The following LTBP1 variants were observed in gnomAD, a reference collection of about 807,000 sequenced individuals.
The protein encoded by LTBP1 is latent transforming growth factor beta binding protein 1.
In LTBP1, 129 loss-of-function variants were observed where a neutral mutation model predicts 207.6. That is an observed-to-expected ratio of 0.62 (90% CI 0.54 to 0.72). The LOEUF is 0.72. Ranked by LOEUF, LTBP1 falls within the 30% of genes least tolerant of loss-of-function variation. LTBP1 has a pLI of 0.00. For missense variants in LTBP1, 2,281 were observed against 2,217.2 expected, an observed-to-expected ratio of 1.03 and a Z score of -0.58; for synonymous variants, 963 against 833.7, an observed-to-expected ratio of 1.16 and a Z score of -2.67.
chr2:33,206,921 T>C (rs913498019), intron 7 of LTBP1, among the ~76,000 whole-genome samples: 2 of 152,078 alleles, frequency 1.3e-5, no homozygotes, highest in Non-Finnish European at 1.5e-5. Context: ...TTCGATCTAC[T>C]CACCATCTAG....
intron 3 of LTBP1, among the ~76,000 whole-genome samples, chr2:33,077,562 T>G (rs2078149291): frequency 6.6e-6 from 1 of 152,082 alleles, no homozygotes; most frequent in African/African-American, 2.4e-5. Flanking sequence ...CAACCAGATC[T>G]TGTGAAAACT....
chr2:33,050,573 T>G (rs2076684487), intron 3 of LTBP1, among the ~76,000 whole-genome samples: 2 of 152,084 alleles, frequency 1.3e-5, no homozygotes, highest in Admixed American at 1.3e-4. Context: ...GAGAGGATCC[T>G]TAAGTTTAAA....
intron 3 of LTBP1, among the ~76,000 whole-genome samples, chr2:33,033,825 A>T (rs1056415967): frequency 6.6e-6 from 1 of 152,190 alleles, no homozygotes; most frequent in Admixed American, 6.5e-5. Flanking sequence ...TCCCAGACAA[A>T]ACTTGAAAAA....
intron 6 of LTBP1, 90 bp downstream of exon 6, chr2:33,187,170 G>A: frequency 1.8e-6 from 2 of 1,110,266 alleles, no homozygotes; most frequent in Non-Finnish European, 2.6e-6. Flanking sequence ...GGCCAGGGCT[G>A]GTATTGAAAC....
At chr2:33,324,632 CT>C (rs1476766053) in intron 24 of LTBP1, among the ~76,000 whole-genome samples, 1 of 150,814 alleles carries the variant, frequency 6.6e-6, no homozygotes, top group African/African-American at 2.4e-5. Flanking sequence ...TAAATACATA[CT>C]TGTGAATGAA....
At chr2:32,961,723 A>G (rs950244799) in intron 2 of LTBP1, among the ~76,000 whole-genome samples, 1 of 152,126 alleles carries the variant, frequency 6.6e-6, no homozygotes, top group African/African-American at 2.4e-5. Context: ...AGGCTGGCGG[A>G]TCACCTGAGG....
chr2:33,140,958 C>A (rs1344201043), intron 5 of LTBP1, among the ~76,000 whole-genome samples: 6 of 152,216 alleles, frequency 3.9e-5, no homozygotes, highest in African/African-American at 9.6e-5. Flanking sequence ...GCCACCACGC[C>A]CGGTCTTTTC....
chr2:33,261,593 G>A (rs141662987), intron 13 of LTBP1, among the ~76,000 whole-genome samples: 2 of 152,262 alleles, frequency 1.3e-5, no homozygotes, highest in African/African-American at 2.4e-5. Flanking sequence ...GTCAATGGAC[G>A]GGGCTTGCAA....
In LTBP1 at chr2:33,225,959, C is replaced by A. The variant is rs563017904; in HGVS notation, c.1876+3808C>A. Among the ~76,000 whole-genome samples, 3 of 152,320 alleles carry A rather than the reference C, an allele frequency of 2.0e-5. No homozygotes were observed. The East Asian group carries it at 5.8e-4, about 29-fold the overall frequency. The stretch of plus-strand genomic sequence containing the variant: ...AGTATTCTGTTTTGTATATACACCA[C>A]ATTTTCTGTATCCATTCATGTATTT... On this transcript the variant is annotated intron_variant, in intron 9 of 33. Coordinates refer to ENST00000404816, the MANE Select transcript of LTBP1 (RefSeq NM_206943.4).
At chr2:33,322,517 T>C (rs569749995) in intron 24 of LTBP1, among the ~76,000 whole-genome samples, 41 of 152,360 alleles carry the variant, frequency 2.7e-4, no homozygotes, top group Non-Finnish European at 5.3e-4. Context: ...ATGAGTGGAC[T>C]GGAGATACAT....
intron 24 of LTBP1, among the ~76,000 whole-genome samples, chr2:33,324,304 TTATAA>T (rs1200861569): frequency 7.9e-5 from 12 of 152,018 alleles, no homozygotes; most frequent in East Asian, 1.9e-4. Context: ...ATAATTTTAA[TTATAA>T]TATAATCACA....
intron 3 of LTBP1, among the ~76,000 whole-genome samples, chr2:33,028,469 A>G (rs948125227): frequency 6.6e-6 from 1 of 152,158 alleles, no homozygotes; most frequent in African/African-American, 2.4e-5. Context: ...GGAGTTGAAG[A>G]CCAGCCTGGT....
At chr2:33,225,322 C>T (rs2091371922) in intron 9 of LTBP1, among the ~76,000 whole-genome samples, 1 of 152,132 alleles carries the variant, frequency 6.6e-6, no homozygotes, top group African/African-American at 2.4e-5. Flanking sequence ...ACTTATTCTT[C>T]CTATTTAACT....
At chr2:33,050,445 G>C (rs2076676630) in intron 3 of LTBP1, among the ~76,000 whole-genome samples, 1 of 152,012 alleles carries the variant, frequency 6.6e-6, no homozygotes, top group South Asian at 2.1e-4. Context: ...AGAAATTTCA[G>C]ATTCCAAGAA....
chr2:33,283,427 C>CTTTT (rs763384851), intron 19 of LTBP1, among the ~76,000 whole-genome samples: 9 of 68,908 alleles, frequency 1.3e-4, no homozygotes, highest in African/African-American at 1.8e-4. Context: ...ACATTAAAGA[C>CTTTT]TTTTTTTTTT....
At chr2:32,964,410 T>C (rs1679626521) in intron 2 of LTBP1, among the ~76,000 whole-genome samples, 1 of 152,218 alleles carries the variant, frequency 6.6e-6, no homozygotes, top group Non-Finnish European at 1.5e-5. Flanking sequence ...GTCACTTGAA[T>C]GTTGTATAAA....
At chr2:33,230,514 A>G (rs1296068555) in intron 9 of LTBP1, among the ~76,000 whole-genome samples, 1 of 152,188 alleles carries the variant, frequency 6.6e-6, no homozygotes, top group African/African-American at 2.4e-5. Flanking sequence ...CAAACAATAT[A>G]GTTATATGCT....
At chr2:33,294,871 CT>C (rs1350020379) in intron 20 of LTBP1, among the ~76,000 whole-genome samples, 1 of 151,900 alleles carries the variant, frequency 6.6e-6, no homozygotes, top group African/African-American at 2.4e-5. Flanking sequence ...GCCACCACGC[CT>C]GGCAAAAATG....
rs182738275 is a variant in LTBP1, at chr2:33,275,250, T to C, written c.2869+160T>C. On this transcript the variant is annotated intron_variant, in intron 17 of 33. Coordinates refer to ENST00000404816, the MANE Select transcript of LTBP1 (RefSeq NM_206943.4). ...AGATCCCAGGTGATATAAAAATGGA[T>C]TTTTTTCCCCTAACATTTTTGAAGA... 7.9e-5 allele frequency among the ~76,000 whole-genome samples: 12 copies of C among 152,206 alleles called. No homozygotes were observed. In the East Asian group the frequency reaches 1.7e-3, roughly 22 times the overall value.
Sources: allele counts gnomAD v4.1 joint callset (sites outside exome capture counted in the v4.1 genomes callset), GRCh38; gene constraint gnomAD v4.1.1; transcripts MANE v1.5; gene names NCBI Gene and HGNC (gene_info 2026-07-23, HGNC 2026-07-21).